Variants in RUNX2 observed in about 807,000 individuals in gnomAD.
RUNX2 encodes the protein runt-related transcription factor 2.
Under a neutral mutation model 51.7 loss-of-function variants are expected in RUNX2, and 10 were observed. The observed-to-expected ratio is 0.19, with a 90% CI of 0.12 to 0.33. RUNX2 has a LOEUF of 0.33. Ranked by LOEUF, RUNX2 falls within the 10% of genes least tolerant of loss-of-function variation. The pLI is 1.00. For synonymous variants in RUNX2, 276 were observed against 273.6 expected, an observed-to-expected ratio of 1.01 and a Z score of -0.09; for missense variants, 562 against 691.3, an observed-to-expected ratio of 0.81 and a Z score of 2.10.
chr6:45,450,491 A>G (rs193111475), intron 5 of RUNX2, among the ~76,000 whole-genome samples: 1 of 152,328 alleles, frequency 6.6e-6, no homozygotes, highest in African/African-American at 2.4e-5. Flanking sequence ...TTCTGTAGAG[A>G]AAAAAGGCAA....
At chr6:45,339,842 A>G (rs1004627222) in intron 2 of RUNX2, among the ~76,000 whole-genome samples, 2 of 152,190 alleles carry the variant, frequency 1.3e-5, no homozygotes, top group African/African-American at 2.4e-5. Context: ...AGTATACCTT[A>G]ATTGAAACTG....
At chr6:45,347,429 A>G (rs1402925574) in intron 2 of RUNX2, among the ~76,000 whole-genome samples, 1 of 152,170 alleles carries the variant, frequency 6.6e-6, no homozygotes, top group Non-Finnish European at 1.5e-5. Context: ...AAATACCTCA[A>G]CATAAATCAC....
intron 5 of RUNX2, among the ~76,000 whole-genome samples, chr6:45,471,828 G>A (rs927779986): frequency 1.2e-4 from 19 of 152,126 alleles, no homozygotes; most frequent in African/African-American, 4.6e-4. Context: ...TCTATTAATG[G>A]TTAATTTCTC....
intron 2 of RUNX2, among the ~76,000 whole-genome samples, chr6:45,399,022 A>G (rs1469313855): frequency 6.6e-6 from 1 of 152,194 alleles, no homozygotes; most frequent in African/African-American, 2.4e-5. Context: ...ATAAATTTCT[A>G]GTTAGGGATA....
intron 2 of RUNX2, among the ~76,000 whole-genome samples, chr6:45,387,485 G>T (rs539933717): frequency 6.6e-6 from 1 of 152,296 alleles, no homozygotes; most frequent in South Asian, 2.1e-4. Context: ...GGGCACAGCG[G>T]AAGCCAAAGG....
intron 2 of RUNX2, among the ~76,000 whole-genome samples, chr6:45,408,738 G>A (rs912865343): frequency 6.6e-5 from 10 of 152,120 alleles, no homozygotes; most frequent in African/African-American, 2.4e-4. Flanking sequence ...CTGATGGTGT[G>A]GTTACAAGAC....
chr6:45,376,576 G>T (rs1796805452), intron 2 of RUNX2, among the ~76,000 whole-genome samples: 1 of 152,244 alleles, frequency 6.6e-6, no homozygotes, highest in Non-Finnish European at 1.5e-5. Flanking sequence ...GAAACTGCTA[G>T]TGAAAAGTGC....
At chr6:45,474,530 C>CGATGTTTG (rs1799898957) in intron 5 of RUNX2, among the ~76,000 whole-genome samples, 1 of 151,806 alleles carries the variant, frequency 6.6e-6, no homozygotes, top group South Asian at 2.1e-4. Flanking sequence ...AACAAACCAT[C>CGATGTTTG]GATGTTTGTT....
chr6:45,469,911 G>A (rs1192075330), intron 5 of RUNX2, among the ~76,000 whole-genome samples: 1 of 152,136 alleles, frequency 6.6e-6, no homozygotes, highest in Non-Finnish European at 1.5e-5. Context: ...TCCTGCCATG[G>A]CTTCATTTTC....
chr6:45,534,019 C>T (rs758828415), intron 7 of RUNX2, among the ~76,000 whole-genome samples: 4 of 151,606 alleles, frequency 2.6e-5, no homozygotes, highest in East Asian at 3.9e-4. Flanking sequence ...CTCAGCCTCC[C>T]GAGTAGCTGG....
intron 2 of RUNX2, among the ~76,000 whole-genome samples, chr6:45,363,041 C>A (rs1378405211): frequency 6.6e-6 from 1 of 151,368 alleles, no homozygotes; most frequent in Non-Finnish European, 1.5e-5. Flanking sequence ...TTTTTGTAGT[C>A]TTCTTCTTAA....
At chr6:45,409,418 TGGA>T (rs1469459142) in intron 2 of RUNX2, among the ~76,000 whole-genome samples, 1 of 152,224 alleles carries the variant, frequency 6.6e-6, no homozygotes, top group East Asian at 1.9e-4. Context: ...CTAAGGTGGC[TGGA>T]GCTGTACTCT....
intron 2 of RUNX2, among the ~76,000 whole-genome samples, chr6:45,329,970 G>C (rs1032322228): frequency 6.6e-6 from 1 of 151,718 alleles, no homozygotes; most frequent in Non-Finnish European, 1.5e-5. Flanking sequence ...CTAATGACTG[G>C]AGTTTCCTTT....
intron 4 of RUNX2, among the ~76,000 whole-genome samples, chr6:45,436,811 G>A (rs1240448507): frequency 6.6e-6 from 1 of 152,252 alleles, no homozygotes; most frequent in East Asian, 1.9e-4. Context: ...AAAGATTTGT[G>A]TTTTGGTTTA....
intron 2 of RUNX2, among the ~76,000 whole-genome samples, chr6:45,365,490 C>G (rs1485076783): frequency 6.6e-6 from 1 of 151,592 alleles, no homozygotes; most frequent in Non-Finnish European, 1.5e-5. Context: ...TGGAAAAAAA[C>G]TAGTCAAGTA....
At chr6:45,353,779 A>T (rs1792560871) in intron 2 of RUNX2, among the ~76,000 whole-genome samples, 1 of 148,440 alleles carries the variant, frequency 6.7e-6, no homozygotes, top group African/African-American at 2.5e-5. Context: ...ATGAAAACTC[A>T]TTTTTTTTTT....
intron 7 of RUNX2, among the ~76,000 whole-genome samples, chr6:45,537,423 A>G (rs1466135874): frequency 6.6e-6 from 1 of 152,228 alleles, no homozygotes; most frequent in Non-Finnish European, 1.5e-5. Context: ...GCTACCATGT[A>G]CTGATCTGTA....
chr6:45,338,130 C>G (rs974972156), intron 2 of RUNX2, among the ~76,000 whole-genome samples: 2 of 152,116 alleles, frequency 1.3e-5, no homozygotes, highest in Admixed American at 1.3e-4. Context: ...GCCTATCTTT[C>G]TAGCTTTCTG....
chr6:45,515,762 C>T (rs1801300174), intron 7 of RUNX2, among the ~76,000 whole-genome samples: 3 of 152,084 alleles, frequency 2.0e-5, no homozygotes, highest in South Asian at 4.2e-4. Context: ...CAATTGGGAA[C>T]CATTCACAAA....
Sources: gnomAD v4.1 joint callset for allele counts (sites outside exome capture counted in the v4.1 genomes callset) on GRCh38, gnomAD v4.1.1 for gene constraint, MANE v1.5 for transcripts, NCBI Gene and HGNC (gene_info 2026-07-23, HGNC 2026-07-21) for gene names.